The following MMP16 variants were observed in gnomAD, a reference collection of about 807,000 sequenced individuals.
The protein encoded by MMP16 is matrix metallopeptidase 16.
In MMP16, 12 loss-of-function variants were observed where a neutral mutation model predicts 67.8. The observed-to-expected ratio is 0.18, with a 90% CI of 0.11 to 0.29. MMP16 has a LOEUF of 0.29. MMP16 is among the 10% of genes least tolerant of loss of function. The pLI, the probability that MMP16 is intolerant of heterozygous loss-of-function variation, is 1.00. For synonymous variants in MMP16, 249 were observed against 255.9 expected, an observed-to-expected ratio of 0.97 and a Z score of 0.26; for missense variants, 475 against 765.7, an observed-to-expected ratio of 0.62 and a Z score of 4.48.
At chr8:88,105,707 C>A (rs1223153421) in intron 6 of MMP16, among the ~76,000 whole-genome samples, 1 of 151,252 alleles carries the variant, frequency 6.6e-6, no homozygotes, top group African/African-American at 2.4e-5. Flanking sequence ...AGGGGAAGAG[C>A]CTAATTCTAG....
At chr8:88,295,928 AGTACAT>A (rs1232389565) in intron 1 of MMP16, among the ~76,000 whole-genome samples, 2 of 152,234 alleles carry the variant, frequency 1.3e-5, no homozygotes, top group African/African-American at 4.8e-5. Flanking sequence ...TGCCATAATC[AGTACAT>A]GTGGGAAAAA....
intron 4 of MMP16, among the ~76,000 whole-genome samples, chr8:88,155,461 A>T (rs1808492896): frequency 6.6e-6 from 1 of 151,944 alleles, no homozygotes; most frequent in African/African-American, 2.4e-5. Context: ...GATTTTATTA[A>T]TTTTGCAGTG....
At chr8:88,301,040 C>G (rs1398237409) in intron 1 of MMP16, among the ~76,000 whole-genome samples, 2 of 152,150 alleles carry the variant, frequency 1.3e-5, no homozygotes, top group Non-Finnish European at 2.9e-5. Flanking sequence ...TCACTTAAAT[C>G]TTTATTTTTG....
In MMP16 at chr8:88,275,617, C is replaced by A. The variant is rs185779336; in HGVS notation, c.132+51458G>T. ...CTGCATACCTACATTATAAATAATA[C>A]CATTGTGAATATTTAAAAAACACAT... On this transcript the variant is annotated intron_variant, in intron 1 of 9. Coordinates refer to ENST00000286614, the MANE Select transcript of MMP16 (RefSeq NM_005941.5). 8.6e-5 allele frequency among the ~76,000 whole-genome samples: 13 copies of A among 151,590 alleles called. No individual in the cohort carries two copies. The East Asian group carries it at 2.5e-3, about 29-fold the overall frequency.
intron 1 of MMP16, among the ~76,000 whole-genome samples, chr8:88,249,786 C>T (rs1810177800): frequency 6.6e-6 from 1 of 152,034 alleles, no homozygotes; most frequent in Non-Finnish European, 1.5e-5. Flanking sequence ...AGAGGAAATC[C>T]ATGAGAAATA....
chr8:88,255,467 A>G (rs1810287074), intron 1 of MMP16, among the ~76,000 whole-genome samples: 1 of 152,176 alleles, frequency 6.6e-6, no homozygotes, highest in African/African-American at 2.4e-5. Context: ...ACTAACACAC[A>G]TACAAACTCG....
At chr8:88,133,745 C>T (rs1808072016) in intron 4 of MMP16, among the ~76,000 whole-genome samples, 1 of 151,684 alleles carries the variant, frequency 6.6e-6, no homozygotes, top group South Asian at 2.1e-4. Context: ...ATGTGACAGA[C>T]ATTATTAAAA....
At chr8:88,203,751 C>T (rs1431817123) in intron 1 of MMP16, among the ~76,000 whole-genome samples, 1 of 152,116 alleles carries the variant, frequency 6.6e-6, no homozygotes, top group Non-Finnish European at 1.5e-5. Context: ...TAGATGTTTG[C>T]TGGTTGTTTC....
intron 1 of MMP16, among the ~76,000 whole-genome samples, chr8:88,265,883 C>T (rs11991179): frequency 6.6e-6 from 1 of 152,072 alleles, no homozygotes; most frequent in South Asian, 2.1e-4. Flanking sequence ...ACAACTGAGG[C>T]ATTAGGGAAA....
At chr8:88,079,757 A>G (rs1808715242) in intron 6 of MMP16, among the ~76,000 whole-genome samples, 1 of 152,148 alleles carries the variant, frequency 6.6e-6, no homozygotes, top group Admixed American at 6.5e-5. Context: ...GCAGAACCCA[A>G]ATAAATGAGA....
intron 1 of MMP16, among the ~76,000 whole-genome samples, chr8:88,266,943 T>C (rs1393822955): frequency 1.3e-5 from 2 of 152,198 alleles, no homozygotes; most frequent in South Asian, 2.1e-4. Flanking sequence ...TGAGAATCTA[T>C]TAACTATTCT....
intron 4 of MMP16, among the ~76,000 whole-genome samples, chr8:88,164,575 C>T (rs1346323338): frequency 6.6e-6 from 1 of 152,028 alleles, no homozygotes; most frequent in East Asian, 1.9e-4. Flanking sequence ...ACATCTCTAA[C>T]AGTCAATTAA....
rs571973117 is a variant in MMP16 at position 88,142,501 on chromosome 8, T to C, written c.710-23640A>G. Reference sequence around the variant, plus strand: ...TTAAATTTATCAGACCTGCAGTGGTTATCTTTGAGTGAAAGTCTTAAAGAT... The same window carrying C: ...TTAAATTTATCAGACCTGCAGTGGTCATCTTTGAGTGAAAGTCTTAAAGAT... On this transcript the variant is annotated intron_variant, in intron 4 of 9. Transcript: ENST00000286614. Among the ~76,000 whole-genome samples, 5 of 152,242 alleles carry C rather than the reference T, an allele frequency of 3.3e-5. No homozygotes were observed. In the East Asian group the frequency reaches 7.7e-4, roughly 24 times the overall value.
intron 6 of MMP16, among the ~76,000 whole-genome samples, chr8:88,079,773 G>A (rs1271050321): frequency 6.6e-6 from 1 of 152,028 alleles, no homozygotes; most frequent in African/African-American, 2.4e-5. Flanking sequence ...TGAGATTATT[G>A]CCCTTATAAA....
intron 1 of MMP16, among the ~76,000 whole-genome samples, chr8:88,234,885 T>C (rs1244779961): frequency 2.6e-5 from 4 of 152,214 alleles, no homozygotes; most frequent in Non-Finnish European, 5.9e-5. Context: ...ATTACCCAAG[T>C]TACAGCCTGT....
intron 4 of MMP16, among the ~76,000 whole-genome samples, chr8:88,123,496 T>C (rs1807875818): frequency 6.6e-6 from 1 of 151,890 alleles, no homozygotes; most frequent in Non-Finnish European, 1.5e-5. Context: ...GGCCACTCTC[T>C]TGGTGGTCAG....
chr8:88,317,787 AT>A (rs879656689), intron 1 of MMP16, among the ~76,000 whole-genome samples: 4 of 151,576 alleles, frequency 2.6e-5, no homozygotes, highest in Admixed American at 6.6e-5. Flanking sequence ...GGGCCTGAAG[AT>A]TTTTTTTTAC....
At chr8:88,052,415 A>G (rs1358046349) in intron 8 of MMP16, among the ~76,000 whole-genome samples, 1 of 151,886 alleles carries the variant, frequency 6.6e-6, no homozygotes, top group African/African-American at 2.4e-5. Flanking sequence ...GCACCCACCC[A>G]CTTTGCTCCA....
chr8:88,276,755 C>A (rs888800129), intron 1 of MMP16, among the ~76,000 whole-genome samples: 9 of 152,052 alleles, frequency 5.9e-5, no homozygotes, highest in African/African-American at 2.2e-4. Flanking sequence ...TTAACTCTCT[C>A]ATCTCTCAAT....
Sources: allele counts gnomAD v4.1 joint callset (sites outside exome capture counted in the v4.1 genomes callset), GRCh38; gene constraint gnomAD v4.1.1; transcripts MANE v1.5; gene names NCBI Gene and HGNC (gene_info 2026-07-23, HGNC 2026-07-21).